LRRC8E: variants seen among roughly 807,000 people sequenced by gnomAD.
The protein encoded by LRRC8E is volume-regulated anion channel subunit LRRC8E.
A neutral mutation model predicts 6.1 loss-of-function variants in LRRC8E; 6 were observed. That is an observed-to-expected ratio of 0.98 (90% CI 0.54 to 1.93). The LOEUF is 1.93. LRRC8E is among the 30% of genes most tolerant of loss of function. The probability of loss-of-function intolerance (pLI) is 0.01; values close to 1 mark genes in which losing one functional copy is unlikely to be tolerated. For synonymous variants in LRRC8E, 485 were observed against 472.8 expected, an observed-to-expected ratio of 1.03 and a Z score of -0.33; for missense variants, 1,028 against 1,031.4, an observed-to-expected ratio of 1.00 and a Z score of 0.04.
Position 7,900,645 on chromosome 19 carries a change from A to G in LRRC8E, c.2123A>G (p.Tyr708Cys). The G allele has an allele frequency of 6.2e-7, 1 of 1,613,390 alleles. No homozygotes were observed. The highest frequency in any genetic ancestry group is 1.7e-5 in the Admixed American group (1 of 60,026). Residue 708 changes from tyrosine (Y) to cysteine (C), a missense_variant, in exon 3 of 3, where the codon TAC (tyrosine) becomes TGC (cysteine). Tyr to Cys is a radical substitution (Grantham distance 194, BLOSUM62 -2). Transcript: ENST00000306708. The surrounding 1 kb of genome is among the most constrained non-coding windows in gnomAD (Gnocchi z 5.0). ...AACCTACAGCACCTGGCCCTCTCCTACAATGCCCTGGAGGCCCTGCCCGAA... is the reference window on the plus strand; with the variant it reads ...AACCTACAGCACCTGGCCCTCTCCTGCAATGCCCTGGAGGCCCTGCCCGAA... ...LQNLQHLALSYNALEALPEEL... is the reference protein window; with the variant it reads ...LQNLQHLALSCNALEALPEEL...
At chr19:7,892,755 G>A (rs1303741913) in intron 1 of LRRC8E, among the ~76,000 whole-genome samples, 1 of 152,176 alleles carries the variant, frequency 6.6e-6, no homozygotes, top group East Asian at 1.9e-4. Context: ...AGCTATCCTG[G>A]TATGTTTCTA....
At chr19:7,894,094 G>A (rs1214402384) in intron 1 of LRRC8E, among the ~76,000 whole-genome samples, 1 of 152,222 alleles carries the variant, frequency 6.6e-6, no homozygotes, top group Admixed American at 6.5e-5. Flanking sequence ...CATTGGCTGA[G>A]TCGTGGGTCA....
In LRRC8E at chr19:7,895,311, T is replaced by G; in HGVS notation, c.-5-288T>G. 2.9e-6 allele frequency: 1 copy of G among 348,574 alleles called. No individual in the cohort carries two copies. The highest frequency in any genetic ancestry group is 5.4e-6 in the Non-Finnish European group (1 of 184,318). 21.6% of individuals were successfully genotyped at this position (348,574 alleles called of 1,614,324 possible). A position where few individuals can be genotyped will look rare whatever the true frequency, so the allele number is the denominator to read the frequency against. ...CGAGGAGGCTGGAGGGCGGCGGCCC[T>G]GTGGACTATCCCTCATGTGCTCTTC... On this transcript the variant is annotated intron_variant, in intron 1 of 2. Transcript: ENST00000306708. The surrounding 1 kb of genome is among the most constrained non-coding windows in gnomAD (Gnocchi z 4.7).
In LRRC8E at chr19:7,899,393, T is replaced by C. The variant is rs111817733; in HGVS notation, c.871T>C (p.Ser291Pro). 6.2e-7 allele frequency: 1 copy of C among 1,614,128 alleles called. No homozygotes were observed. The highest frequency in any genetic ancestry group is 1.1e-5 in the South Asian group (1 of 91,078). Residue 291 changes from serine to proline, a missense_variant, in exon 3 of 3, where the codon TCA becomes CCA. Transcript: ENST00000306708. ...SFLVACRVET[S>P]EVTGYASFCC... Reference sequence around the variant, plus strand: ...CCTGGTGGCCTGTAGGGTGGAGACGTCAGAGGTCACGGGCTACGCCAGCTT... The same window carrying C: ...CCTGGTGGCCTGTAGGGTGGAGACGCCAGAGGTCACGGGCTACGCCAGCTT...
intron 1 of LRRC8E, among the ~76,000 whole-genome samples, chr19:7,889,953 G>T (rs1981218669): frequency 6.6e-6 from 1 of 151,746 alleles, no homozygotes; most frequent in Non-Finnish European, 1.5e-5. Context: ...CATCATGTTG[G>T]CCAGGATGGT....
chr19:7,897,887 C>T (rs941746569), intron 2 of LRRC8E, among the ~76,000 whole-genome samples: 11 of 151,980 alleles, frequency 7.2e-5, no homozygotes, highest in Non-Finnish European at 2.9e-5. Flanking sequence ...TGTGGGGACA[C>T]GATTCAACCC....
Position 7,899,029 on chromosome 19 carries a change from C to A in LRRC8E, c.507C>A (p.Val169=), listed in dbSNP as rs524029. The A allele has an allele frequency of 1.3e-3, 2,076 of 1,613,816 alleles. 43 individuals are homozygous for A. The East Asian group carries it at 0.039, about 30-fold the overall frequency. The change falls in exon 3 of 3, where the codon GTC becomes GTA. Residue 169 remains valine, a synonymous_variant. Coordinates refer to ENST00000306708, the MANE Select transcript of LRRC8E (RefSeq NM_025061.6). The stretch of plus-strand genomic sequence containing the variant: ...GGACCACCAGGGCCCTATCCGAGGT[C>A]TCCGGGGAGAACCAGAAGGGCCCAG... ...SPWTTRALSE[V]SGENQKGPAA...
rs780879136 is a variant in LRRC8E at position 7,899,803 on chromosome 19, G to A, written c.1281G>A (p.Pro427=). ...GRLELALCML[P]GLPDTVFELS... ...TGGAGCTGGCCCTCTGCATGCTGCC[G>A]GGTCTGCCCGACACCGTCTTTGAGC... Residue 427 remains proline (P), a synonymous_variant, in exon 3 of 3, where the codon CCG becomes CCA. Coordinates refer to ENST00000306708, the MANE Select transcript of LRRC8E (RefSeq NM_025061.6). The A allele has an allele frequency of 1.6e-5, 25 of 1,607,856 alleles. No homozygotes were observed. Among genetic ancestry groups the A allele is most frequent in the South Asian group, 7.7e-5 (7 of 91,084 alleles).
In LRRC8E at chr19:7,898,677, T is replaced by A. The variant is rs778145355; in HGVS notation, c.155T>A (p.Ile52Asn). 1.2e-6 allele frequency: 2 copies of A among 1,608,406 alleles called. No individual in the cohort carries two copies. The highest frequency in any genetic ancestry group is 2.2e-5 in the South Asian group (2 of 90,742). ...GCTLQVTQDK[I>N]ICLPNHELQE... is the part of the protein sequence containing the mutation. ...GCTCCTCAGGTGACACAGGACAAGA[T>A]CATCTGTCTACCCAATCATGAGCTC... The change falls in exon 3 of 3, where the codon ATC becomes AAC. Residue 52 changes from isoleucine to asparagine, a missense_variant. By Grantham distance (149) the Ile-to-Asn change is moderately radical (BLOSUM62 -3). Coordinates refer to ENST00000306708, the MANE Select transcript of LRRC8E (RefSeq NM_025061.6).
chr19:7,890,381 G>A (rs1981240958), intron 1 of LRRC8E, among the ~76,000 whole-genome samples: 1 of 152,116 alleles, frequency 6.6e-6, no homozygotes, highest in Non-Finnish European at 1.5e-5. Flanking sequence ...CAAAGATGCT[G>A]TGGTTTTTTT....
At chr19:7,897,172 C>CTTTTTTT (rs147426486) in intron 2 of LRRC8E, among the ~76,000 whole-genome samples, 2 of 147,398 alleles carry the variant, frequency 1.4e-5, no homozygotes, top group Non-Finnish European at 1.5e-5. Flanking sequence ...TTTTCTTTTT[C>CTTTTTTT]TTTTTCTTTT....
intron 1 of LRRC8E, among the ~76,000 whole-genome samples, chr19:7,891,892 G>C (rs1981334221): frequency 6.6e-6 from 1 of 151,916 alleles, no homozygotes; most frequent in African/African-American, 2.4e-5. Flanking sequence ...TTACAGGCGA[G>C]AGCCACCGCG....
chr19:7,892,834 T>C (rs1981388258), intron 1 of LRRC8E, among the ~76,000 whole-genome samples: 1 of 152,150 alleles, frequency 6.6e-6, no homozygotes, highest in African/African-American at 2.4e-5. Context: ...TCTTCTCTTC[T>C]CTTTTTTAGA....
rs879243722 is a variant in LRRC8E at position 7,900,926 on chromosome 19, G to A, written c.*13G>A. 12 of 1,511,020 alleles carry A rather than the reference G, an allele frequency of 7.9e-6. No individual in the cohort carries two copies. The African/African-American group carries it at 8.4e-5, about 11-fold the overall frequency. The allele number at this position is 1,511,020 out of a possible 1,614,324, so 93.6% of individuals were successfully genotyped here. A position where few individuals can be genotyped will look rare whatever the true frequency, so the allele number is the denominator to read the frequency against. On this transcript the variant is annotated 3_prime_UTR_variant, in exon 3 of 3. Coordinates refer to ENST00000306708, the MANE Select transcript of LRRC8E (RefSeq NM_025061.6). The surrounding 1 kb of genome is among the most constrained non-coding windows in gnomAD (Gnocchi z 5.0). ...GGAGGAGGAATGAAGCTGGGGTGGG[G>A]CCGTTTTAGGTAGAGCCTTAAAAAT...
At position 7,895,466 on chromosome 19, in the gene LRRC8E, C is replaced by A; in HGVS notation, c.-5-133C>A. 9.0e-7 allele frequency: 1 copy of A among 1,114,860 alleles called. No individual in the cohort carries two copies. The highest frequency in any genetic ancestry group is 1.3e-6 in the Non-Finnish European group (1 of 766,190). The allele number at this position is 1,114,860 out of a possible 1,614,324, so 69.1% of individuals were successfully genotyped here. On this transcript the variant is annotated intron_variant, in intron 1 of 2. Coordinates refer to ENST00000306708, the MANE Select transcript of LRRC8E (RefSeq NM_025061.6). The surrounding 1 kb of genome is among the most constrained non-coding windows in gnomAD (Gnocchi z 4.7). ...GCTAAGAGGGAAGTGGGGGCACACACTTTGGTGGTTTGGACAAGTTTGGGC... is the reference window on the plus strand; with the variant it reads ...GCTAAGAGGGAAGTGGGGGCACACAATTTGGTGGTTTGGACAAGTTTGGGC...
chr19:7,899,774 C>G lies in LRRC8E; in HGVS notation c.1252C>G (p.Arg418Gly), dbSNP rs1452884022. 6.2e-7 allele frequency: 1 copy of G among 1,610,450 alleles called. No homozygotes were observed. The highest frequency in any genetic ancestry group is 1.1e-5 in the South Asian group (1 of 91,086). Residue 418 changes from arginine (R) to glycine (G), a missense_variant, in exon 3 of 3, where the codon CGG becomes GGG. By Grantham distance (125) the Arg-to-Gly change is moderately radical. Transcript: ENST00000306708. ...RQKLQRNAAGRLELALCMLPG... is the reference protein window; with the variant it reads ...RQKLQRNAAGGLELALCMLPG... ...GAAGCTGCAGCGCAATGCCGCGGGC[C>G]GGCTGGAGCTGGCCCTCTGCATGCT... is the stretch of plus-strand genomic sequence containing the variant.
chr19:7,899,156 A>G lies in LRRC8E; in HGVS notation c.634A>G (p.Lys212Glu). Residue 212 changes from lysine (K) to glutamate (E), a missense_variant, in exon 3 of 3, where the codon AAG becomes GAG. Physicochemically the swap from Lys to Glu is moderately conservative, Grantham distance 56. Transcript: ENST00000306708. Reference sequence around the variant, plus strand: ...GGAGAAAGTGCTGGCGGAACCGGAGAAGGTGGTGACCGAGCCTCCAGTTGT... The same window carrying G: ...GGAGAAAGTGCTGGCGGAACCGGAGGAGGTGGTGACCGAGCCTCCAGTTGT... The part of the protein sequence containing the change: ...EKEKVLAEPE[K>E]VVTEPPVVTL... 1 of 1,613,872 alleles carries G rather than the reference A, an allele frequency of 6.2e-7. No individual in the cohort carries two copies. The highest frequency in any genetic ancestry group is 1.1e-5 in the South Asian group (1 of 91,084).
Position 7,899,698 on chromosome 19 carries a change from T to C in LRRC8E, c.1176T>C (p.Arg392=). The change falls in exon 3 of 3, where the codon CGT becomes CGC. Residue 392 remains arginine, a synonymous_variant. Transcript: ENST00000306708. The part of the protein sequence containing the change: ...AVFLSEVSES[R]LKQLNLNHEW... ...TCCTGTCCGAGGTCAGCGAAAGCCG[T>C]CTAAAGCAGCTCAATCTCAACCACG... 1 of 1,613,496 alleles carries C rather than the reference T, an allele frequency of 6.2e-7. No individual in the cohort carries two copies. The highest frequency in any genetic ancestry group is 1.1e-5 in the South Asian group (1 of 91,086).
rs2061776546 is a variant in LRRC8E, at chr19:7,888,569, C to G, written c.-37C>G. 6.6e-6 allele frequency: 1 copy of G among 152,288 alleles called. No homozygotes were observed. Among genetic ancestry groups the G allele is most frequent in the Non-Finnish European group, 1.5e-5 (1 of 68,096 alleles). 9.4% of individuals were successfully genotyped at this position (152,288 alleles called of 1,614,324 possible). The stretch of plus-strand genomic sequence containing the variant: ...CGCGGCAGCTCCGCTCCCAGAGACC[C>G]AGGAGTTGGGCCCAGCGTCCCTCCC... On this transcript the variant is annotated 5_prime_UTR_variant, in exon 1 of 3. Coordinates refer to ENST00000306708, the MANE Select transcript of LRRC8E (RefSeq NM_025061.6).
Sources: gnomAD v4.1 joint callset for allele counts (sites outside exome capture counted in the v4.1 genomes callset) on GRCh38, gnomAD v4.1.1 for gene constraint, Gnocchi (gnomAD v3.1) non-coding constraint, MANE v1.5 for transcripts, NCBI Gene and HGNC (gene_info 2026-07-23, HGNC 2026-07-21) for gene names.